The following RBFOX1 variants were observed in gnomAD, a reference collection of about 807,000 sequenced individuals.
The protein encoded by RBFOX1 is RNA binding fox-1 homolog 1, also known as RNA binding protein fox-1 homolog 1.
In RBFOX1, 8 loss-of-function variants were observed where a neutral mutation model predicts 57.7. The ratio of observed to expected loss-of-function variants is 0.14; its 90% CI spans 0.08 to 0.25. The LOEUF (loss-of-function observed/expected upper bound fraction) is 0.25. Among genes scored for constraint, RBFOX1 ranks in the 10% least tolerant of loss-of-function variants. The pLI, the probability that RBFOX1 is intolerant of heterozygous loss-of-function variation, is 1.00. For synonymous variants in RBFOX1, 326 were observed against 222.4 expected, an observed-to-expected ratio of 1.47 and a Z score of -4.15; for missense variants, 611 against 548.5, an observed-to-expected ratio of 1.11 and a Z score of -1.14.
At chr16:7,019,441 G>T (rs1301957852) in intron 3 of RBFOX1, among the ~76,000 whole-genome samples, 1 of 152,134 alleles carries the variant, frequency 6.6e-6, no homozygotes, top group Non-Finnish European at 1.5e-5. Flanking sequence ...CATTCATGCT[G>T]TTGTAGGTTT....
At chr16:7,426,304 C>G (rs1350859604) in intron 4 of RBFOX1, among the ~76,000 whole-genome samples, 2 of 152,170 alleles carry the variant, frequency 1.3e-5, no homozygotes, top group Non-Finnish European at 2.9e-5. Flanking sequence ...AGCAATTTGC[C>G]TATAGTTGCA....
intron 14 of RBFOX1, among the ~76,000 whole-genome samples, chr16:7,705,797 A>G (rs983594059): frequency 4.6e-5 from 7 of 152,192 alleles, no homozygotes; most frequent in Non-Finnish European, 8.8e-5. Flanking sequence ...GTGTTGATGA[A>G]CTAGTGGCAT....
chr16:7,548,413 C>T lies in RBFOX1; in HGVS notation c.270+30024C>T, dbSNP rs181163855. On this transcript the variant is annotated intron_variant, in intron 5 of 15. Coordinates refer to ENST00000550418, the MANE Select transcript of RBFOX1 (RefSeq NM_018723.4). ...CTCAGGTGATCCACCGGCTGCGCCACCCAAAGTGCTGGGATTACAGGTATG... is the reference window on the plus strand; with the variant it reads ...CTCAGGTGATCCACCGGCTGCGCCATCCAAAGTGCTGGGATTACAGGTATG... Among the ~76,000 whole-genome samples, 478 of 152,312 alleles carry T rather than the reference C, an allele frequency of 3.1e-3. 2 individuals carry two copies. The highest frequency in any genetic ancestry group is 5.3e-3 in the Non-Finnish European group (363 of 68,018).
chr16:6,483,658 A>C, intron 2 of RBFOX1: 1 of 978,054 alleles, frequency 1.0e-6, no homozygotes, highest in Non-Finnish European at 1.3e-6. Flanking sequence ...CCTGAAGCCC[A>C]CTGACTCCGC....
At chr16:6,277,036 A>G (rs1398020672) in intron 1 of RBFOX1, among the ~76,000 whole-genome samples, 1 of 152,182 alleles carries the variant, frequency 6.6e-6, no homozygotes, top group Non-Finnish European at 1.5e-5. Flanking sequence ...GAGTGTTTTT[A>G]TCTTAACCGG....
intron 4 of RBFOX1, among the ~76,000 whole-genome samples, chr16:7,390,247 A>G (rs1007331584): frequency 2.8e-4 from 43 of 152,192 alleles, no homozygotes; most frequent in South Asian, 2.1e-4. Context: ...ACAGCTGGAC[A>G]TGAGATTTGG....
intron 2 of RBFOX1, among the ~76,000 whole-genome samples, chr16:6,539,700 A>G (rs2096784890): frequency 6.6e-6 from 1 of 152,020 alleles, no homozygotes; most frequent in Non-Finnish European, 1.5e-5. Flanking sequence ...CGGGAGGCTG[A>G]GGCAGGAGAA....
chr16:6,265,194 T>C (rs2152651550), intron 1 of RBFOX1, among the ~76,000 whole-genome samples: 1 of 152,336 alleles, frequency 6.6e-6, no homozygotes, highest in Admixed American at 6.5e-5. Flanking sequence ...ACTCACGTGT[T>C]TGTCTGGTTA....
chr16:6,045,025 G>A (rs531788416), intron 1 of RBFOX1, among the ~76,000 whole-genome samples: 22 of 152,310 alleles, frequency 1.4e-4, no homozygotes, highest in African/African-American at 5.3e-4. Flanking sequence ...CTGGGCTGTG[G>A]CCCTAGGGAC....
chr16:6,365,083 G>A (rs530662820), intron 2 of RBFOX1, among the ~76,000 whole-genome samples: 2 of 122,732 alleles, frequency 1.6e-5, no homozygotes, highest in African/African-American at 7.4e-5. Context: ...GCCCAAAATG[G>A]GATTCACCCT....
At position 6,282,717 on chromosome 16, in the gene RBFOX1, C is replaced by G. The variant is rs569094361; in HGVS notation, c.-126-34278C>G. Among the ~76,000 whole-genome samples the G allele has an allele frequency of 3.1e-3, 478 of 152,248 alleles. 31 individuals are homozygous for G. In the South Asian group the frequency reaches 0.092, roughly 29 times the overall value. On this transcript the variant is annotated intron_variant, in intron 1 of 15. Transcript: ENST00000550418. ...CATGTCCCTCCAAAGGACAGGAACT[C>G]ATTCCTTTTTATACTTTGCCCCTTC... is the stretch of plus-strand genomic sequence containing the variant.
chr16:7,504,730 TA>T (rs1567553402), intron 4 of RBFOX1, among the ~76,000 whole-genome samples: 883 of 12,536 alleles, frequency 0.07, 91 homozygotes, highest in Non-Finnish European at 0.11. Flanking sequence ...TATATATATA[TA>T]TATATATATA....
Position 6,433,530 on chromosome 16 carries a change from G to C in RBFOX1, c.-64+116473G>C, listed in dbSNP as rs542146486. 9.7e-4 allele frequency among the ~76,000 whole-genome samples: 147 copies of C among 152,314 alleles called. 2 individuals are homozygous for C. The highest frequency in any genetic ancestry group is 1.5e-3 in the Non-Finnish European group (101 of 68,032). On this transcript the variant is annotated intron_variant, in intron 2 of 15. Transcript: ENST00000550418. ...ATTTCCCATTCCTCTGTATTTCATA[G>C]TTTCTCATTGGTGCTGTAACAAATT...
At chr16:7,192,166 A>G (rs994777003) in intron 4 of RBFOX1, among the ~76,000 whole-genome samples, 6 of 152,376 alleles carry the variant, frequency 3.9e-5, no homozygotes, top group East Asian at 1.9e-4. Flanking sequence ...GGAATTCGCA[A>G]TAGCGGTTCT....
Position 7,367,058 on chromosome 16 carries a change from T to A in RBFOX1, c.28-151089T>A, listed in dbSNP as rs1170894811. Among the ~76,000 whole-genome samples the A allele has an allele frequency of 3.4e-5, 5 of 148,480 alleles. No individual in the cohort carries two copies. In the South Asian group the frequency reaches 1.1e-3, roughly 32 times the overall value. ...TGATTCCCTCCCCCAAACCCCCCAG[T>A]TTTTTTTTTCTTTTTGTCTTAGACA... On this transcript the variant is annotated intron_variant, in intron 4 of 15. Transcript: ENST00000550418.
At chr16:7,347,523 C>G (rs1195387931) in intron 4 of RBFOX1, among the ~76,000 whole-genome samples, 3 of 152,098 alleles carry the variant, frequency 2.0e-5, no homozygotes, top group Non-Finnish European at 4.4e-5. Context: ...AGATACAATT[C>G]AAGATGAGAC....
chr16:7,603,739 G>C (rs1243892065), intron 9 of RBFOX1, among the ~76,000 whole-genome samples: 1 of 152,162 alleles, frequency 6.6e-6, no homozygotes, highest in East Asian at 1.9e-4. Context: ...AAGGGAAAAA[G>C]GGAAGTGGTA....
chr16:6,726,074 T>A (rs2067102097), intron 3 of RBFOX1, among the ~76,000 whole-genome samples: 1 of 152,300 alleles, frequency 6.6e-6, no homozygotes, highest in East Asian at 1.9e-4. Flanking sequence ...GACTCCTACG[T>A]GATTATGTTA....
intron 4 of RBFOX1, among the ~76,000 whole-genome samples, chr16:7,053,192 A>C (rs573449964): frequency 1.9e-4 from 29 of 152,354 alleles, no homozygotes; most frequent in African/African-American, 7.0e-4. Context: ...TGGGTAAAAT[A>C]AACAACAGAA....
Sources: gnomAD v4.1 joint callset for allele counts (sites outside exome capture counted in the v4.1 genomes callset) on GRCh38, gnomAD v4.1.1 for gene constraint, MANE v1.5 for transcripts, NCBI Gene and HGNC (gene_info 2026-07-23, HGNC 2026-07-21) for gene names.